The following MSRA variants were observed in gnomAD, a reference collection of about 807,000 sequenced individuals.
MSRA encodes the protein methionine sulfoxide reductase A.
A neutral mutation model predicts 31.3 loss-of-function variants in MSRA; 54 were observed. The ratio of observed to expected loss-of-function variants is 1.73; its 90% CI spans 1.39 to 2.17. MSRA has a LOEUF of 2.17. Ranked by LOEUF, MSRA falls within the 30% of genes most tolerant of loss-of-function variation. MSRA has a pLI of 0.00. For missense variants in MSRA, 507 were observed against 300.9 expected (o/e 1.69, Z -5.07); for synonymous variants, 169 against 116.5 (o/e 1.45, Z -2.90).
chr8:10,380,681 A>G (rs1441298525), intron 5 of MSRA, among the ~76,000 whole-genome samples: 1 of 152,186 alleles, frequency 6.6e-6, no homozygotes, highest in Non-Finnish European at 1.5e-5. Context: ...GCGCACAATA[A>G]GTATTTAATA....
At chr8:10,060,063 A>C (rs1356125889) in intron 1 of MSRA, among the ~76,000 whole-genome samples, 1 of 152,236 alleles carries the variant, frequency 6.6e-6, no homozygotes, top group African/African-American at 2.4e-5. Context: ...GTATCTATCA[A>C]AAATTCAAAT....
chr8:10,181,103 C>G (rs1431333124), intron 1 of MSRA, among the ~76,000 whole-genome samples: 1 of 152,200 alleles, frequency 6.6e-6, no homozygotes, highest in Non-Finnish European at 1.5e-5. Flanking sequence ...TCGTCTACAG[C>G]TCCCAGTAAA....
At chr8:10,313,594 G>T (rs572854440) in intron 4 of MSRA, among the ~76,000 whole-genome samples, 18 of 152,154 alleles carry the variant, frequency 1.2e-4, no homozygotes, top group Non-Finnish European at 2.6e-4. Flanking sequence ...TCTCCAAATT[G>T]TTTTATGAAT....
At chr8:10,336,756 G>A (rs2129147423) in intron 5 of MSRA, 1 of 152,278 alleles carries the variant, frequency 6.6e-6, no homozygotes, top group African/African-American at 2.4e-5. Context: ...ACCTTTGTGT[G>A]TGTGTATACA....
At chr8:10,333,508 A>T (rs1802829464) in intron 5 of MSRA, among the ~76,000 whole-genome samples, 1 of 152,190 alleles carries the variant, frequency 6.6e-6, no homozygotes, top group Non-Finnish European at 1.5e-5. Flanking sequence ...CTTGGGCAGC[A>T]GTGGCTCTGT....
intron 5 of MSRA, among the ~76,000 whole-genome samples, chr8:10,345,504 A>T (rs776131300): frequency 6.6e-6 from 1 of 152,222 alleles, no homozygotes; most frequent in Non-Finnish European, 1.5e-5. Flanking sequence ...ATACACAGAC[A>T]CACACTTCTG....
At chr8:10,420,468 A>G (rs73197294) in intron 5 of MSRA, among the ~76,000 whole-genome samples, 29,291 of 152,150 alleles carry the variant, frequency 0.19, 3,165 homozygotes, top group South Asian at 0.28. Flanking sequence ...AAAACAACAA[A>G]TACGTCTTAT....
intron 1 of MSRA, among the ~76,000 whole-genome samples, chr8:10,165,480 C>A (rs1345848014): frequency 6.6e-6 from 1 of 152,112 alleles, no homozygotes. Context: ...GGCTTCCTGA[C>A]AAATGGAGAC....
chr8:10,362,066 G>A (rs1804881658), intron 5 of MSRA, among the ~76,000 whole-genome samples: 1 of 152,084 alleles, frequency 6.6e-6, no homozygotes, highest in Non-Finnish European at 1.5e-5. Flanking sequence ...AGAGAGACCC[G>A]GGTTCCCATT....
intron 1 of MSRA, among the ~76,000 whole-genome samples, chr8:10,179,561 G>A (rs939450116): frequency 3.3e-5 from 5 of 152,212 alleles, no homozygotes; most frequent in African/African-American, 1.2e-4. Flanking sequence ...TCTCCCTAAT[G>A]TCTGGCAAGG....
At chr8:10,212,186 A>T (rs1439701072) in intron 2 of MSRA, among the ~76,000 whole-genome samples, 1 of 143,788 alleles carries the variant, frequency 7.0e-6, no homozygotes, top group Non-Finnish European at 1.5e-5. Flanking sequence ...GACTCTGTCT[A>T]AAAAAAAAAA....
chr8:10,102,504 C>T (rs796192786), intron 1 of MSRA, among the ~76,000 whole-genome samples: 7 of 152,244 alleles, frequency 4.6e-5, no homozygotes, highest in African/African-American at 1.7e-4. Context: ...TTGTTTCATG[C>T]CCATTTTTAG....
At chr8:10,386,987 G>C (rs544917594) in intron 5 of MSRA, among the ~76,000 whole-genome samples, 1 of 151,954 alleles carries the variant, frequency 6.6e-6, no homozygotes, top group Non-Finnish European at 1.5e-5. Context: ...ATTGATGTGC[G>C]TGCAGAACAC....
At chr8:10,231,624 C>A (rs969902657) in intron 2 of MSRA, among the ~76,000 whole-genome samples, 18 of 152,124 alleles carry the variant, frequency 1.2e-4, no homozygotes, top group African/African-American at 3.4e-4. Flanking sequence ...TGAAAAGGGT[C>A]GGGTGCAGTG....
chr8:10,155,032 G>A (rs10100285), intron 1 of MSRA, among the ~76,000 whole-genome samples: 4 of 124,906 alleles, frequency 3.2e-5, no homozygotes, highest in South Asian at 3.0e-4. Context: ...CCTTGCATTC[G>A]CATTTTAAGA....
At chr8:10,349,395 C>A (rs914609846) in intron 5 of MSRA, among the ~76,000 whole-genome samples, 1 of 149,436 alleles carries the variant, frequency 6.7e-6, no homozygotes, top group Non-Finnish European at 1.5e-5. Context: ...CGTACCGTTG[C>A]CTTTGCCTAG....
chr8:10,056,510 T>C (rs1191726326), intron 1 of MSRA, among the ~76,000 whole-genome samples: 1 of 145,724 alleles, frequency 6.9e-6, no homozygotes, highest in Admixed American at 7.3e-5. Flanking sequence ...CATCTCTGTA[T>C]CTGGGCCAGT....
chr8:10,236,625 A>G (rs1010216505), intron 2 of MSRA, among the ~76,000 whole-genome samples: 1 of 152,134 alleles, frequency 6.6e-6, no homozygotes, highest in Admixed American at 6.5e-5. Context: ...GCTCGCTGCA[A>G]CCTCTGCCTC....
At chr8:10,377,479 A>G (rs1473948154) in intron 5 of MSRA, among the ~76,000 whole-genome samples, 1 of 152,222 alleles carries the variant, frequency 6.6e-6, no homozygotes, top group Non-Finnish European at 1.5e-5. Flanking sequence ...TCTTGTAGCC[A>G]TATCCTTTGG....
Sources: allele counts gnomAD v4.1 joint callset (sites outside exome capture counted in the v4.1 genomes callset), GRCh38; gene constraint gnomAD v4.1.1; transcripts MANE v1.5; gene names NCBI Gene and HGNC (gene_info 2026-07-23, HGNC 2026-07-21).